SLC18A2: variants seen among roughly 807,000 people sequenced by gnomAD.
SLC18A2 encodes synaptic vesicular amine transporter.
Under a neutral mutation model 59.2 loss-of-function variants are expected in SLC18A2, and 33 were observed. The ratio of observed to expected loss-of-function variants is 0.56; its 90% CI spans 0.42 to 0.75. The LOEUF is 0.75. SLC18A2 is among the 30% of genes least tolerant of loss of function. The pLI, the probability that SLC18A2 is intolerant of heterozygous loss-of-function variation, is 0.00. For synonymous variants in SLC18A2, 228 were observed against 253.5 expected, an observed-to-expected ratio of 0.90 and a Z score of 0.95; for missense variants, 569 against 668.6, an observed-to-expected ratio of 0.85 and a Z score of 1.64.
intron 3 of SLC18A2, among the ~76,000 whole-genome samples, chr10:117,245,982 G>A (rs1479573178): frequency 3.3e-5 from 5 of 152,210 alleles, no homozygotes; most frequent in African/African-American, 4.8e-5. Flanking sequence ...TTAACCCAGC[G>A]AAGGGCTGAC....
chr10:117,267,359 C>A (rs1005411577), intron 12 of SLC18A2: 12 of 442,224 alleles, frequency 2.7e-5, no homozygotes, highest in Admixed American at 3.9e-5. Context: ...AGAATAAAAT[C>A]TCTTCTACCA....
chr10:117,274,246 C>T (rs1844459448), intron 15 of SLC18A2, among the ~76,000 whole-genome samples: 1 of 152,136 alleles, frequency 6.6e-6, no homozygotes, highest in African/African-American at 2.4e-5. Context: ...GGCTACAGAA[C>T]ATTTAAAGGA....
chr10:117,262,413 G>A (rs762844714), intron 10 of SLC18A2, among the ~76,000 whole-genome samples: 6 of 152,186 alleles, frequency 3.9e-5, no homozygotes, highest in Non-Finnish European at 5.9e-5. Flanking sequence ...GAGGCGTGCC[G>A]CTTGGCAGGA....
chr10:117,241,885 C>T (rs1413650107), intron 2 of SLC18A2, 71 bp downstream of exon 2: 4 of 1,426,872 alleles, frequency 2.8e-6, no homozygotes, highest in Non-Finnish European at 2.8e-6. Flanking sequence ...CTCCACTTAC[C>T]CCTGCGCGGT....
chr10:117,276,650 G>GAAAGACAGAAAGA (rs1589988639), intron 15 of SLC18A2, among the ~76,000 whole-genome samples: 1 of 130,616 alleles, frequency 7.7e-6, no homozygotes, highest in African/African-American at 2.8e-5. Flanking sequence ...AAGAAAGAAA[G>GAAAGACAGAAAGA]AAAAAGATAC....
intron 10 of SLC18A2, among the ~76,000 whole-genome samples, chr10:117,264,150 A>G (rs1464878008): frequency 6.6e-6 from 1 of 152,214 alleles, no homozygotes; most frequent in African/African-American, 2.4e-5. Flanking sequence ...CTGAAGCCAG[A>G]TTGTACCAAA....
In SLC18A2 at chr10:117,278,177, T is replaced by C. The variant is rs1844526705; in HGVS notation, c.*911T>C. 6.6e-6 allele frequency: 1 copy of C among 152,226 alleles called. No homozygotes were observed. The highest frequency in any genetic ancestry group is 1.5e-5 in the Non-Finnish European group (1 of 68,034). 9.4% of individuals were successfully genotyped at this position (152,226 alleles called of 1,614,324 possible). On this transcript the variant is annotated 3_prime_UTR_variant, in exon 16 of 16. Transcript: ENST00000644641. ...AAGCTGAAAACAGCTGCTCTGACTT[T>C]AATATCTGACTATATCTTTGATCTG... is the stretch of plus-strand genomic sequence containing the variant.
In SLC18A2 at chr10:117,277,395, T is replaced by C. The variant is rs1262108684; in HGVS notation, c.*129T>C. The C allele has an allele frequency of 5.7e-6, 3 of 528,836 alleles. No individual in the cohort carries two copies. The African/African-American group carries it at 5.9e-5, about 10-fold the overall frequency. 32.8% of individuals were successfully genotyped at this position (528,836 alleles called of 1,614,324 possible). A position where few individuals can be genotyped will look rare whatever the true frequency, so the allele number is the denominator to read the frequency against. ...GAAAGAGTAAAACCAAAGGTTATTA[T>C]TTCCTTTCCATGGTTATGGTCGATT... On this transcript the variant is annotated 3_prime_UTR_variant, in exon 16 of 16. Coordinates refer to ENST00000644641, the MANE Select transcript of SLC18A2 (RefSeq NM_003054.6).
In SLC18A2 at chr10:117,266,923, A is replaced by C. The variant is rs370743344; in HGVS notation, c.1071-61A>C. 2.5e-6 allele frequency: 4 copies of C among 1,585,644 alleles called. No homozygotes were observed. The African/African-American group carries it at 4.1e-5, about 16-fold the overall frequency. Reference sequence around the variant, plus strand: ...CAAGTAATTGTTTTGATTTTCATTGAAAATTTGGACTAGAAAAAAATCAAA... The same window carrying C: ...CAAGTAATTGTTTTGATTTTCATTGCAAATTTGGACTAGAAAAAAATCAAA... On this transcript the variant is annotated intron_variant, in intron 11 of 15. Transcript: ENST00000644641.
At chr10:117,276,476 T>G (rs1844492481) in intron 15 of SLC18A2, among the ~76,000 whole-genome samples, 2 of 150,392 alleles carry the variant, frequency 1.3e-5, no homozygotes, top group African/African-American at 4.9e-5. Flanking sequence ...TAGCTGCGAG[T>G]GGTGGTGCAC....
chr10:117,255,553 A>T, intron 8 of SLC18A2, 31 bp downstream of exon 8: 1 of 1,613,530 alleles, frequency 6.2e-7, no homozygotes, highest in Non-Finnish European at 8.5e-7. Flanking sequence ...GCCCTGGGGG[A>T]GGGGGCATGG....
intron 5 of SLC18A2, 107 bp from the exon 6 acceptor site, chr10:117,254,298 C>A: frequency 8.4e-7 from 1 of 1,194,332 alleles, no homozygotes; most frequent in Non-Finnish European, 1.2e-6. Context: ...GTGAATCTGA[C>A]AGGTTTGGGA....
At chr10:117,274,144 CTTAT>C (rs1165568566) in intron 15 of SLC18A2, among the ~76,000 whole-genome samples, 2 of 152,096 alleles carry the variant, frequency 1.3e-5, no homozygotes, top group Non-Finnish European at 2.9e-5. Context: ...TGCCACCTGG[CTTAT>C]TTGTGTATAA....
chr10:117,272,015 ATAGT>A lies in SLC18A2; in HGVS notation c.1440+1556_1440+1559del, dbSNP rs1374646047. Among the ~76,000 whole-genome samples, 7 of 152,308 alleles carry A rather than the reference ATAGT, an allele frequency of 4.6e-5. No homozygotes were observed. In the East Asian group the frequency reaches 5.8e-4, roughly 13 times the overall value. On this transcript the variant is annotated intron_variant, in intron 15 of 15. Transcript: ENST00000644641. ...GAAACTGTTTGAAGACTCCTGGGAG[ATAGT>A]TAGGGCTAGCATGGGCCTGGGAGCC...
chr10:117,263,618 G>A (rs1844318015), intron 10 of SLC18A2, among the ~76,000 whole-genome samples: 1 of 152,292 alleles, frequency 6.6e-6, no homozygotes, highest in South Asian at 2.1e-4. Context: ...TGAGTGGGTG[G>A]AGAAAGAATG....
intron 10 of SLC18A2, among the ~76,000 whole-genome samples, chr10:117,260,294 C>T (rs1302871722): frequency 1.3e-5 from 2 of 152,258 alleles, no homozygotes; most frequent in Non-Finnish European, 2.9e-5. Context: ...TTCATGTTGA[C>T]AGCCTCTGCT....
chr10:117,241,935 G>T lies in SLC18A2; in HGVS notation c.121+121G>T, dbSNP rs935464807. The T allele has an allele frequency of 8.4e-6, 9 of 1,065,580 alleles. No homozygotes were observed. The African/African-American group carries it at 1.3e-4, about 16-fold the overall frequency. 66.0% of individuals were successfully genotyped at this position (1,065,580 alleles called of 1,614,324 possible). On this transcript the variant is annotated intron_variant, in intron 2 of 15. Coordinates refer to ENST00000644641, the MANE Select transcript of SLC18A2 (RefSeq NM_003054.6). Reference sequence around the variant, plus strand: ...AAGGCCCGGGAAAGTTGGAGAACTCGCTTTGCAAAAAAGACATCCCCTCCA... The same window carrying T: ...AAGGCCCGGGAAAGTTGGAGAACTCTCTTTGCAAAAAAGACATCCCCTCCA...
In SLC18A2 at chr10:117,265,110, A is replaced by G. The variant is rs557582123; in HGVS notation, c.992-1623A>G. Among the ~76,000 whole-genome samples the G allele has an allele frequency of 1.2e-4, 19 of 152,364 alleles. No homozygotes were observed. The South Asian group carries it at 3.5e-3, about 28-fold the overall frequency. On this transcript the variant is annotated intron_variant, in intron 10 of 15. Coordinates refer to ENST00000644641, the MANE Select transcript of SLC18A2 (RefSeq NM_003054.6). The stretch of plus-strand genomic sequence containing the variant: ...CACTGAACAATTATTTGACCACCAC[A>G]TATTGCTAAGCATGACAGAAATAAT...
intron 3 of SLC18A2, among the ~76,000 whole-genome samples, chr10:117,252,024 T>C: frequency 6.6e-6 from 1 of 151,840 alleles, no homozygotes; most frequent in East Asian, 1.9e-4. Flanking sequence ...AGTGGCATGA[T>C]CTCAGCGCAC....
Sources: allele counts gnomAD v4.1 joint callset (sites outside exome capture counted in the v4.1 genomes callset), GRCh38; gene constraint gnomAD v4.1.1; transcripts MANE v1.5; gene names NCBI Gene and HGNC (gene_info 2026-07-23, HGNC 2026-07-21).